The following NRXN3 variants were observed in gnomAD, a reference collection of about 807,000 sequenced individuals.
NRXN3 encodes the protein neurexin 3.
Under a neutral mutation model 137.6 loss-of-function variants are expected in NRXN3, and 32 were observed. The ratio of observed to expected loss-of-function variants is 0.23; its 90% CI spans 0.18 to 0.31. NRXN3 has a LOEUF of 0.31. Among genes scored for constraint, NRXN3 ranks in the 10% least tolerant of loss-of-function variants. NRXN3 has a pLI of 1.00. For missense variants in NRXN3, 1,574 were observed against 2,062.5 expected (o/e 0.76, Z 4.59); for synonymous variants, 798 against 784.5 (o/e 1.02, Z -0.29).
intron 15 of NRXN3, among the ~76,000 whole-genome samples, chr14:79,301,008 C>T (rs2085049914): frequency 6.6e-6 from 1 of 152,094 alleles, no homozygotes; most frequent in African/African-American, 2.4e-5. Flanking sequence ...TTCCTCTTGC[C>T]TTTGCTCCAC....
At chr14:79,374,371 C>A (rs2094199820) in intron 15 of NRXN3, among the ~76,000 whole-genome samples, 1 of 151,880 alleles carries the variant, frequency 6.6e-6, no homozygotes, top group African/African-American at 2.4e-5. Flanking sequence ...AGTTTAGGCA[C>A]AACTGACCAG....
intron 4 of NRXN3, among the ~76,000 whole-genome samples, chr14:78,617,992 T>C (rs920906780): frequency 4.6e-5 from 7 of 151,506 alleles, no homozygotes; most frequent in African/African-American, 1.7e-4. Flanking sequence ...TTATTCATCA[T>C]CTATCCATCC....
chr14:78,399,002 G>C (rs2091788602), intron 4 of NRXN3, among the ~76,000 whole-genome samples: 2 of 152,172 alleles, frequency 1.3e-5, no homozygotes, highest in African/African-American at 4.8e-5. Context: ...GTGATGTTTG[G>C]CTGGAGTATG....
At chr14:78,784,064 GAAA>G (rs11288913) in intron 8 of NRXN3, among the ~76,000 whole-genome samples, 150 of 98,300 alleles carry the variant, frequency 1.5e-3, no homozygotes, top group African/African-American at 4.3e-3. Flanking sequence ...TAACACATGA[GAAA>G]AAAAAAAAAA....
chr14:79,179,330 T>G (rs2062681223), intron 15 of NRXN3, among the ~76,000 whole-genome samples: 1 of 152,200 alleles, frequency 6.6e-6, no homozygotes, highest in African/African-American at 2.4e-5. Flanking sequence ...ATCTCAGTGT[T>G]AGTGGAACCA....
At chr14:78,428,858 C>T (rs2093762872) in intron 4 of NRXN3, among the ~76,000 whole-genome samples, 1 of 152,122 alleles carries the variant, frequency 6.6e-6, no homozygotes, top group South Asian at 2.1e-4. Context: ...TTTTATTCAA[C>T]CTACAAATTT....
At chr14:79,562,679 T>G (rs2097510571) in intron 16 of NRXN3, among the ~76,000 whole-genome samples, 1 of 152,220 alleles carries the variant, frequency 6.6e-6, no homozygotes, top group African/African-American at 2.4e-5. Flanking sequence ...TTGGATTTGC[T>G]TTAACATTAT....
intron 16 of NRXN3, among the ~76,000 whole-genome samples, chr14:79,495,430 T>A (rs908536053): frequency 2.0e-4 from 30 of 152,264 alleles, no homozygotes; most frequent in Admixed American, 1.3e-3. Context: ...TTTCTACATT[T>A]TTTTTTTCTT....
At chr14:79,590,416 TAAAAAA>T (rs11419735) in intron 16 of NRXN3, among the ~76,000 whole-genome samples, 7 of 92,272 alleles carry the variant, frequency 7.6e-5, no homozygotes, top group South Asian at 9.4e-4. Context: ...TTTCTTTTGT[TAAAAAA>T]AAAAAAAAAA....
intron 19 of NRXN3, among the ~76,000 whole-genome samples, chr14:79,702,664 A>G (rs913603610): frequency 9.9e-5 from 15 of 152,040 alleles, no homozygotes; most frequent in African/African-American, 3.6e-4. Flanking sequence ...AACTTTGCCA[A>G]GTGGGAGAGG....
intron 15 of NRXN3, among the ~76,000 whole-genome samples, chr14:79,048,596 G>C (rs566261932): frequency 6.6e-6 from 1 of 150,718 alleles, no homozygotes; most frequent in South Asian, 2.1e-4. Context: ...TAAAAAATGC[G>C]AATGATTATC....
intron 15 of NRXN3, among the ~76,000 whole-genome samples, chr14:79,188,796 T>TC (rs1404157429): frequency 1.3e-5 from 2 of 152,150 alleles, no homozygotes; most frequent in African/African-American, 4.8e-5. Context: ...GTGCTCACCA[T>TC]CACTGGCCAT....
intron 16 of NRXN3, among the ~76,000 whole-genome samples, chr14:79,521,531 T>C (rs1049098158): frequency 6.6e-6 from 1 of 152,164 alleles, no homozygotes; most frequent in African/African-American, 2.4e-5. Context: ...GAATATGCAC[T>C]AGCTCTTTAC....
intron 4 of NRXN3, among the ~76,000 whole-genome samples, chr14:78,355,558 A>G (rs538416581): frequency 1.1e-4 from 17 of 152,318 alleles, no homozygotes; most frequent in Middle Eastern, 6.8e-3. Context: ...AGCTGGGATT[A>G]TAGGCACGTA....
intron 15 of NRXN3, among the ~76,000 whole-genome samples, chr14:79,348,168 G>A (rs1371446172): frequency 6.6e-6 from 1 of 152,026 alleles, no homozygotes; most frequent in Non-Finnish European, 1.5e-5. Context: ...ACCCATCCAT[G>A]AGAAAATGCA....
chr14:78,682,922 C>T (rs1219726963), intron 6 of NRXN3, among the ~76,000 whole-genome samples: 2 of 152,168 alleles, frequency 1.3e-5, no homozygotes, highest in East Asian at 3.9e-4. Context: ...ATTTTTCAGA[C>T]TAGCAGAAAT....
chr14:79,059,387 A>T (rs973262412), intron 15 of NRXN3, among the ~76,000 whole-genome samples: 1 of 150,990 alleles, frequency 6.6e-6, no homozygotes, highest in Non-Finnish European at 1.5e-5. Context: ...CCTCCCAAGT[A>T]GCTGAGACTA....
chr14:78,745,511 T>G (rs2098602980), intron 8 of NRXN3, among the ~76,000 whole-genome samples: 1 of 152,242 alleles, frequency 6.6e-6, no homozygotes, highest in African/African-American at 2.4e-5. Flanking sequence ...TACTTCATCT[T>G]TCTCTGCATT....
At chr14:78,440,535 G>C (rs1164072730) in intron 4 of NRXN3, among the ~76,000 whole-genome samples, 1 of 152,192 alleles carries the variant, frequency 6.6e-6, no homozygotes, top group African/African-American at 2.4e-5. Context: ...CTCGTGCATA[G>C]GTTCCTAGAG....
Sources: gnomAD v4.1 joint callset for allele counts (sites outside exome capture counted in the v4.1 genomes callset) on GRCh38, gnomAD v4.1.1 for gene constraint, MANE v1.5 for transcripts, NCBI Gene and HGNC (gene_info 2026-07-23, HGNC 2026-07-21) for gene names.